The following NF2 variants were observed in gnomAD, a reference collection of about 807,000 sequenced individuals.
NF2 encodes NF2, moesin-ezrin-radixin like (MERLIN) tumor suppressor, also known as merlin.
In NF2, 8 loss-of-function variants were observed where a neutral mutation model predicts 83.7. That is an observed-to-expected ratio of 0.10 (90% CI 0.06 to 0.17). NF2 has a LOEUF of 0.17. NF2 is among the 10% of genes least tolerant of loss of function. The probability of loss-of-function intolerance (pLI) is 1.00; values close to 1 mark genes in which losing one functional copy is unlikely to be tolerated. For missense variants in NF2, 533 were observed against 744.4 expected (o/e 0.72, Z 3.31); for synonymous variants, 266 against 269.6 (o/e 0.99, Z 0.13).
chr22:29,680,996 A>T (rs2067115731), intron 14 of NF2, among the ~76,000 whole-genome samples: 1 of 151,606 alleles, frequency 6.6e-6, no homozygotes, highest in African/African-American at 2.4e-5. Flanking sequence ...TGGTATTTGT[A>T]GAGCCCCCTA....
At chr22:29,631,757 C>T (rs924844566) in intron 1 of NF2, among the ~76,000 whole-genome samples, 67 of 152,198 alleles carry the variant, frequency 4.4e-4, no homozygotes, top group African/African-American at 1.5e-3. Flanking sequence ...CAAGCACTCT[C>T]TTAGGGTTTT....
rs959360660 is a variant in NF2 at position 29,698,260 on chromosome 22, G to A, written c.*3458G>A. The A allele has an allele frequency of 4.8e-5, 11 of 228,932 alleles. No homozygotes were observed. Among genetic ancestry groups the A allele is most frequent in the Non-Finnish European group, 8.7e-5 (10 of 115,376 alleles). 14.2% of individuals were successfully genotyped at this position (228,932 alleles called of 1,614,324 possible). A position where few individuals can be genotyped will look rare whatever the true frequency, so the allele number is the denominator to read the frequency against. On this transcript the variant is annotated 3_prime_UTR_variant, in exon 16 of 16. Coordinates refer to ENST00000338641, the MANE Select transcript of NF2 (RefSeq NM_000268.4). Reference sequence around the variant, plus strand: ...GCTGTGTCTTGTAATTTTGGGGACAGGTTTCTCTCTTTCCCTCTCTTTTTT... The same window carrying A: ...GCTGTGTCTTGTAATTTTGGGGACAAGTTTCTCTCTTTCCCTCTCTTTTTT...
At chr22:29,630,990 ACTAGTC>A (rs545450306) in intron 1 of NF2, among the ~76,000 whole-genome samples, 463 of 152,248 alleles carry the variant, frequency 3.0e-3, no homozygotes, top group African/African-American at 0.01. Flanking sequence ...GACTCATCCC[ACTAGTC>A]CTAGGTTCTT....
chr22:29,660,696 G>A (rs2066452453), intron 7 of NF2, among the ~76,000 whole-genome samples: 1 of 152,144 alleles, frequency 6.6e-6, no homozygotes, highest in African/African-American at 2.4e-5. Context: ...CTGAGTAGCT[G>A]GGATTACAGG....
chr22:29,639,949 C>T (rs1164406439), intron 3 of NF2, among the ~76,000 whole-genome samples: 1 of 147,970 alleles, frequency 6.8e-6, no homozygotes, highest in Non-Finnish European at 1.5e-5. Context: ...GTAATCCCAG[C>T]ACTTTGGGAG....
At chr22:29,634,614 C>T (rs1348432855) in intron 1 of NF2, among the ~76,000 whole-genome samples, 1 of 152,260 alleles carries the variant, frequency 6.6e-6, no homozygotes, top group South Asian at 2.1e-4. Context: ...CTTCTCAACC[C>T]TTGGGTGTTT....
At chr22:29,687,483 G>C (rs1468751021) in intron 15 of NF2, among the ~76,000 whole-genome samples, 1 of 152,206 alleles carries the variant, frequency 6.6e-6, no homozygotes, top group East Asian at 1.9e-4. Context: ...ATAAATCACA[G>C]AGAGAGATTG....
chr22:29,621,678 A>G (rs2065220066), intron 1 of NF2, among the ~76,000 whole-genome samples: 1 of 152,090 alleles, frequency 6.6e-6, no homozygotes, highest in South Asian at 2.1e-4. Context: ...CAAAAAATAA[A>G]TAAATAAAAT....
Position 29,698,129 on chromosome 22 carries a change from T to G in NF2, c.*3327T>G, listed in dbSNP as rs552839202. Reference sequence around the variant, plus strand: ...CGTTCATCCTGATCAAGGCCCCACCTCAGCCACAGCAGTCCCCCCAACCTG... The same window carrying G: ...CGTTCATCCTGATCAAGGCCCCACCGCAGCCACAGCAGTCCCCCCAACCTG... On this transcript the variant is annotated 3_prime_UTR_variant, in exon 16 of 16. Transcript: ENST00000338641. 21 of 232,222 alleles carry G rather than the reference T, an allele frequency of 9.0e-5. No homozygotes were observed. Among genetic ancestry groups the G allele is most frequent in the East Asian group, 9.0e-4 (15 of 16,604 alleles). The allele number at this position is 232,222 out of a possible 1,614,324, so 14.4% of individuals were successfully genotyped here.
At chr22:29,692,680 T>G (rs1187893314) in intron 15 of NF2, among the ~76,000 whole-genome samples, 1 of 152,178 alleles carries the variant, frequency 6.6e-6, no homozygotes, top group Non-Finnish European at 1.5e-5. Context: ...TACGTGACCT[T>G]GTTGTTGCCT....
Position 29,619,802 on chromosome 22 carries a change from G to A in NF2, c.114+15690G>A, listed in dbSNP as rs537095296. Among the ~76,000 whole-genome samples, 9 of 152,254 alleles carry A rather than the reference G, an allele frequency of 5.9e-5. No individual in the cohort carries two copies. In the South Asian group the frequency reaches 1.2e-3, roughly 21 times the overall value. ...TGCGTGCGTGCTGATGAAGGGGTGC[G>A]AAGAAACAGATGCTGGCTAGTGCTG... On this transcript the variant is annotated intron_variant, in intron 1 of 15. Transcript: ENST00000338641.
intron 15 of NF2, among the ~76,000 whole-genome samples, chr22:29,691,291 G>A (rs1327799885): frequency 1.3e-5 from 2 of 152,194 alleles, no homozygotes; most frequent in East Asian, 3.9e-4. Context: ...TTCAGGGTGG[G>A]AATGGGACTC....
intron 9 of NF2, among the ~76,000 whole-genome samples, chr22:29,668,056 A>G (rs2066675473): frequency 6.6e-6 from 1 of 150,780 alleles, no homozygotes; most frequent in Admixed American, 6.7e-5. Flanking sequence ...GATGTAGGAG[A>G]GTAAGGTGCA....
intron 13 of NF2, among the ~76,000 whole-genome samples, chr22:29,675,417 T>TG (rs1319205530): frequency 6.6e-6 from 1 of 151,822 alleles, no homozygotes; most frequent in African/African-American, 2.4e-5. Flanking sequence ...TTCCATTAAA[T>TG]GGGGTCACAA....
chr22:29,681,321 G>A (rs1017082633), intron 14 of NF2, 118 bp from the exon 15 acceptor site: 10 of 1,256,032 alleles, frequency 8.0e-6, no homozygotes, highest in African/African-American at 1.5e-5. Flanking sequence ...AAGTAGAGAC[G>A]TGAACCCCAG....
rs1470527086 is a variant in NF2, at chr22:29,640,079, C to T, written c.363+867C>T. ...GCATGGTGATGCATGCCTGTAATCC[C>T]AGCTACTCAGGAGGCTGAGGCAGGA... On this transcript the variant is annotated intron_variant, in intron 3 of 15. Transcript: ENST00000338641. 5.3e-5 allele frequency among the ~76,000 whole-genome samples: 8 copies of T among 150,218 alleles called. No homozygotes were observed. In the South Asian group the frequency reaches 8.5e-4, roughly 16 times the overall value.
At chr22:29,643,881 C>T (rs1284770919) in intron 4 of NF2, among the ~76,000 whole-genome samples, 3 of 148,120 alleles carry the variant, frequency 2.0e-5, no homozygotes, top group African/African-American at 7.5e-5. Context: ...GCAGAGGCGC[C>T]CCTCACCTCC....
chr22:29,687,888 T>C (rs532513983), intron 15 of NF2, among the ~76,000 whole-genome samples: 1 of 152,340 alleles, frequency 6.6e-6, no homozygotes, highest in African/African-American at 2.4e-5. Flanking sequence ...AGTGGCGATC[T>C]GAACTCTTCC....
intron 1 of NF2, among the ~76,000 whole-genome samples, chr22:29,634,982 A>G (rs981349180): frequency 6.6e-6 from 1 of 152,186 alleles, no homozygotes; most frequent in Non-Finnish European, 1.5e-5. Flanking sequence ...CAGTGGCCCC[A>G]CTATAGTCAG....
Sources: allele counts gnomAD v4.1 joint callset (sites outside exome capture counted in the v4.1 genomes callset), GRCh38; gene constraint gnomAD v4.1.1; transcripts MANE v1.5; gene names NCBI Gene and HGNC (gene_info 2026-07-23, HGNC 2026-07-21).